TKTL1: variants seen among roughly 807,000 people sequenced by gnomAD.
TKTL1 encodes transketolase like 1.
A neutral mutation model predicts 39.3 loss-of-function variants in TKTL1; 1 was observed. That is an observed-to-expected ratio of 0.03 (90% confidence interval 0.01 to 0.12). The LOEUF is 0.12. TKTL1 is among the 10% of genes least tolerant of loss of function. TKTL1 has a pLI of 1.00. For missense variants in TKTL1, 575 were observed against 509.6 expected (o/e 1.13, Z -1.24); for synonymous variants, 262 against 193.8 (o/e 1.35, Z -2.92).
At chrX:154,313,900 C>T in intron 6 of TKTL1, among the ~76,000 whole-genome samples, 1 of 107,567 alleles carries the variant, frequency 9.3e-6, no homozygotes, top group Non-Finnish European at 1.9e-5. Context: ...GGCCACTGCA[C>T]TCCAGCCTGG....
At chrX:154,312,831 A>G in intron 6 of TKTL1, 58 bp downstream of exon 6, 1 of 1,065,462 alleles carries the variant, frequency 9.4e-7, no homozygotes. Flanking sequence ...TTGTTCTCTA[A>G]TGTTGTTCGT....
At chrX:154,303,379 AT>A (rs1172255094) in intron 1 of TKTL1, among the ~76,000 whole-genome samples, 662 of 33,640 alleles carry the variant, frequency 0.02, 2 homozygotes, top group African/African-American at 0.075. Flanking sequence ...TGCCCAGCTA[AT>A]TTTTTTTTTT....
intron 11 of TKTL1, 45 bp downstream of exon 11, chrX:154,327,732 G>A (rs1281136490): frequency 1.7e-6 from 2 of 1,196,151 alleles, no homozygotes; most frequent in East Asian, 5.9e-5. Flanking sequence ...CTGGGAAGAG[G>A]TAGGACTTCA....
chrX:154,307,878 C>T (rs1313917595), intron 2 of TKTL1, among the ~76,000 whole-genome samples: 7 of 111,820 alleles, frequency 6.3e-5, no homozygotes, highest in Non-Finnish European at 1.1e-4. Context: ...GGCAGTTCTG[C>T]TGGGCTGGAA....
chrX:154,301,952 C>T (rs1276801437), intron 1 of TKTL1, among the ~76,000 whole-genome samples: 3 of 108,251 alleles, frequency 2.8e-5, no homozygotes, highest in African/African-American at 1.0e-4. Flanking sequence ...TTATTTTAGG[C>T]AGATAGTCAA....
rs1557172332 is a variant in TKTL1 at position 154,327,916 on chromosome X, A to G, written c.1576A>G (p.Thr526Ala). Reference sequence around the variant, plus strand: ...CACCATCGTCTCCAGTGCAAAAGCCACAGAGGGCCGGATCATTACAGTGGA... The same window carrying G: ...CACCATCGTCTCCAGTGCAAAAGCCGCAGAGGGCCGGATCATTACAGTGGA... ...VATIVSSAKA[T>A]EGRIITVEDH... Residue 526 changes from threonine to alanine, a missense_variant, in exon 12 of 13, where the codon ACA (threonine) becomes GCA (alanine). Thr to Ala is a moderately conservative substitution (Grantham distance 58). Transcript: ENST00000369915. 8.3e-7 allele frequency: 1 copy of G among 1,211,970 alleles called. No individual in the cohort carries two copies. The highest frequency in any genetic ancestry group is 3.0e-5 in the East Asian group (1 of 33,865).
intron 5 of TKTL1, 25 bp from the exon 6 acceptor site, chrX:154,312,555 A>G (rs1256532820): frequency 8.4e-6 from 10 of 1,187,204 alleles, no homozygotes; most frequent in Non-Finnish European, 1.1e-5. Flanking sequence ...TATGGAATGG[A>G]TGTCTTTTGT....
intron 8 of TKTL1, among the ~76,000 whole-genome samples, chrX:154,321,725 C>T (rs1044961006): frequency 1.9e-5 from 2 of 106,134 alleles, no homozygotes; most frequent in Admixed American, 1.0e-4. Flanking sequence ...GATGTGGCTG[C>T]ACACACTTGC....
intron 1 of TKTL1, among the ~76,000 whole-genome samples, chrX:154,298,089 TTCTG>T (rs782068038): frequency 6.3e-5 from 7 of 111,907 alleles, no homozygotes; most frequent in Non-Finnish European, 1.3e-4. Flanking sequence ...TTGTGAGGCT[TTCTG>T]TTTCTAGGAA....
At chrX:154,305,203 C>T in intron 1 of TKTL1, 101 bp from the exon 2 acceptor site, 5 of 1,178,789 alleles carry the variant, frequency 4.2e-6, no homozygotes, top group Non-Finnish European at 5.7e-6. Flanking sequence ...TCTTCCCGGG[C>T]TGGGAGAAAT....
intron 2 of TKTL1, among the ~76,000 whole-genome samples, chrX:154,306,287 C>A (rs782406900): frequency 1.8e-5 from 2 of 111,858 alleles, no homozygotes; most frequent in Non-Finnish European, 3.8e-5. Context: ...CCAGCCTGGG[C>A]GATAGAGCAA....
intron 11 of TKTL1, 45 bp from the exon 12 acceptor site, chrX:154,327,794 T>A (rs1557172280): frequency 2.5e-6 from 3 of 1,209,902 alleles, no homozygotes; most frequent in African/African-American, 1.7e-5. Context: ...TGCATGTTAT[T>A]CTGAGTCTCT....
chrX:154,309,505 G>A (rs2067339492), intron 3 of TKTL1, 63 bp downstream of exon 3: 15 of 964,388 alleles, frequency 1.6e-5, no homozygotes, highest in Admixed American at 1.1e-4. Flanking sequence ...CTAGAGTCTC[G>A]GGGGGCAGCC....
rs782779480 is a variant in TKTL1 at position 154,297,300 on chromosome X, G to A, written c.134+1307G>A. On this transcript the variant is annotated intron_variant, in intron 1 of 12. Transcript: ENST00000369915. ...TGAGACGAAGTATCACTGTCGCCCAGGCTGGAGTGCAGTGGCACGATTTTG... is the reference window on the plus strand; with the variant it reads ...TGAGACGAAGTATCACTGTCGCCCAAGCTGGAGTGCAGTGGCACGATTTTG... 1.5e-4 allele frequency among the ~76,000 whole-genome samples: 17 copies of A among 109,994 alleles called. 1 individual carries two copies. The South Asian group carries it at 6.7e-3, about 43-fold the overall frequency.
chrX:154,312,532 C>G (rs925500007), intron 5 of TKTL1, 48 bp from the exon 6 acceptor site: 17 of 1,156,281 alleles, frequency 1.5e-5, no homozygotes, highest in Non-Finnish European at 1.7e-5. Flanking sequence ...CTCATAGGCA[C>G]TCACTAAATA....
chrX:154,329,577 G>A lies in TKTL1; in HGVS notation c.1680G>A (p.Ser560=), dbSNP rs782183294. ...TGGATCCTGACATTCAGGTTCATTCGCTGGCAGTGTCGGGAGTGCCCCAGA... is the reference window on the plus strand; with the variant it reads ...TGGATCCTGACATTCAGGTTCATTCACTGGCAGTGTCGGGAGTGCCCCAGA... ...VSMDPDIQVH[S]LAVSGVPQSG... The change falls in exon 13 of 13, where the codon TCG becomes TCA. Residue 560 remains serine, a synonymous_variant. Transcript: ENST00000369915. 8 of 1,211,891 alleles carry A rather than the reference G, an allele frequency of 6.6e-6. No homozygotes were observed. Among genetic ancestry groups the A allele is most frequent in the African/African-American group, 3.5e-5 (2 of 57,821 alleles).
chrX:154,329,568 G>C lies in TKTL1; in HGVS notation c.1671G>C (p.Gln557His). ...CCGTCTCCATGGATCCTGACATTCAGGTTCATTCGCTGGCAGTGTCGGGAG... is the reference window on the plus strand; with the variant it reads ...CCGTCTCCATGGATCCTGACATTCACGTTCATTCGCTGGCAGTGTCGGGAG... ...CAAVSMDPDI[Q>H]VHSLAVSGVP... The change falls in exon 13 of 13, where the codon CAG becomes CAC. Residue 557 changes from glutamine (Q) to histidine (H), a missense_variant. Transcript: ENST00000369915. 3.3e-6 allele frequency: 4 copies of C among 1,212,029 alleles called. No homozygotes were observed. Among genetic ancestry groups the C allele is most frequent in the Non-Finnish European group, 4.5e-6 (4 of 895,525 alleles).
At position 154,327,953 on chromosome X, in the gene TKTL1, C is replaced by T. The variant is rs373103609; in HGVS notation, c.1613C>T (p.Pro538Leu). 1.9e-5 allele frequency: 23 copies of T among 1,209,754 alleles called. No homozygotes were observed. The highest frequency in any genetic ancestry group is 3.0e-5 in the East Asian group (1 of 33,778). Reference protein sequence around the residue: ...GRIITVEDHYPQGGIGEAVCA... With the variant: ...GRIITVEDHYLQGGIGEAVCA... ...ATCATTACAGTGGAGGATCACTACC[C>T]GCAAGGTGTGTGTGGGCATTGAGAA... is the stretch of plus-strand genomic sequence containing the variant. Residue 538 changes from proline to leucine, a missense_variant, in exon 12 of 13, where the codon CCG becomes CTG. Pro to Leu is a moderately conservative substitution (Grantham distance 98). Coordinates refer to ENST00000369915, the MANE Select transcript of TKTL1 (RefSeq NM_012253.4).
chrX:154,310,086 A>G (rs1430891105), intron 3 of TKTL1, among the ~76,000 whole-genome samples: 1 of 111,576 alleles, frequency 9.0e-6, no homozygotes, highest in African/African-American at 3.3e-5. Context: ...GGAGGAATTT[A>G]CTTCACAGCA....
Sources: gnomAD v4.1 joint callset for allele counts (sites outside exome capture counted in the v4.1 genomes callset) on GRCh38, gnomAD v4.1.1 for gene constraint, MANE v1.5 for transcripts, NCBI Gene and HGNC (gene_info 2026-07-23, HGNC 2026-07-21) for gene names.